Variants in PLEKHA8 observed in about 807,000 individuals in gnomAD.
PLEKHA8 encodes the protein pleckstrin homology domain containing A8, also known as pleckstrin homology domain-containing family A member 8.
A neutral mutation model predicts 68.2 loss-of-function variants in PLEKHA8; 36 were observed. The observed-to-expected ratio is 0.53, with a 90% CI of 0.40 to 0.70. PLEKHA8 has a LOEUF of 0.70. Among genes scored for constraint, PLEKHA8 ranks in the 30% least tolerant of loss-of-function variants. The pLI is 0.00. For synonymous variants in PLEKHA8, 211 were observed against 216.1 expected (o/e 0.98, Z 0.20); for missense variants, 505 against 615.4 (o/e 0.82, Z 1.90).
At chr7:30,086,743 A>G (rs1446385080), downstream of PLEKHA8, among the ~76,000 whole-genome samples, 3 of 152,184 alleles carry the variant, frequency 2.0e-5, no homozygotes, top group African/African-American at 7.2e-5. Context: ...GCAAGAAGGA[A>G]TAGAATGACC....
At chr7:30,071,865 C>T (rs1794259722) in intron 12 of PLEKHA8, 1 of 152,282 alleles carries the variant, frequency 6.6e-6, no homozygotes, top group Non-Finnish European at 1.5e-5. Context: ...CAGATGGCTG[C>T]TCAAATGGTT....
chr7:30,076,874 T>C (rs993243769), intron 13 of PLEKHA8, among the ~76,000 whole-genome samples: 1 of 152,184 alleles, frequency 6.6e-6, no homozygotes, highest in Non-Finnish European at 1.5e-5. Flanking sequence ...GAGGGAAACA[T>C]TGTTTACATC....
In PLEKHA8 at chr7:30,115,972, G is replaced by C. The variant is rs796696324; in HGVS notation, c.1363-13294G>C. 8 of 132,592 alleles carry C rather than the reference G, an allele frequency of 6.0e-5. 1 individual carries two copies. The East Asian group carries it at 1.9e-3, about 32-fold the overall frequency. The allele number at this position is 132,592 out of a possible 1,614,324, so 8.2% of individuals were successfully genotyped here. ...TACGCATACATGCATGCATACATGT[G>C]CATGCATGCATGTATGCATACGCAT... On this transcript the variant is annotated intron_variant, in intron 13 of 13. Transcript: ENST00000396257.
chr7:30,108,630 T>A (rs868558936), intron 13 of PLEKHA8, among the ~76,000 whole-genome samples: 2 of 152,164 alleles, frequency 1.3e-5, no homozygotes, highest in Non-Finnish European at 2.9e-5. Context: ...CTGCAGTTTG[T>A]CTATGTTTTC....
chr7:30,040,414 C>T (rs1791439941), intron 1 of PLEKHA8, among the ~76,000 whole-genome samples: 1 of 152,128 alleles, frequency 6.6e-6, no homozygotes, highest in Admixed American at 6.5e-5. Context: ...ATTCTTAAGA[C>T]CAAAGAAAAA....
At position 30,049,328 on chromosome 7, in the gene PLEKHA8, G is replaced by C. The variant is rs1342676527; in HGVS notation, c.543G>C (p.Leu181=). ...CAAATGCAGCCTTCACCTCTGAGCT[G>C]CTCTACCGCACTCCACCAGGATCAC... ...QIANAAFTSE[L]LYRTPPGSPQ... is the part of the protein sequence containing the mutation. The change falls in exon 5 of 14, where the codon CTG becomes CTC. Residue 181 remains leucine, a synonymous_variant. Transcript: ENST00000449726. The C allele has an allele frequency of 1.9e-6, 3 of 1,614,150 alleles. No individual in the cohort carries two copies. The highest frequency in any genetic ancestry group is 2.2e-5 in the South Asian group (2 of 91,090).
intron 1 of PLEKHA8, among the ~76,000 whole-genome samples, chr7:30,040,901 G>A (rs1400083109): frequency 6.6e-6 from 1 of 152,182 alleles, no homozygotes; most frequent in African/African-American, 2.4e-5. Flanking sequence ...AAAAGAGGGT[G>A]GAGATTGGAT....
At chr7:30,102,772 G>A (rs1795897874) in intron 13 of PLEKHA8, among the ~76,000 whole-genome samples, 1 of 152,352 alleles carries the variant, frequency 6.6e-6, no homozygotes, top group South Asian at 2.1e-4. Context: ...GGGCACCCAG[G>A]TGTGGTGGCT....
chr7:30,030,088 G>A (rs1790543154), intron 1 of PLEKHA8, among the ~76,000 whole-genome samples: 2 of 152,172 alleles, frequency 1.3e-5, no homozygotes, highest in Admixed American at 1.3e-4. Flanking sequence ...GGATGACAGA[G>A]GCTGATCAAC....
intron 13 of PLEKHA8, among the ~76,000 whole-genome samples, chr7:30,111,485 T>G (rs1033140120): frequency 5.3e-5 from 8 of 152,194 alleles, no homozygotes; most frequent in African/African-American, 1.7e-4. Context: ...CTTTTGGTTT[T>G]GGGATTTTAT....
At chr7:30,118,582 CT>C (rs745309743) in intron 13 of PLEKHA8, among the ~76,000 whole-genome samples, 189 of 144,358 alleles carry the variant, frequency 1.3e-3, no homozygotes, top group Admixed American at 1.2e-3. Flanking sequence ...GCCCATCTTT[CT>C]TTTTTTTTTT....
intron 13 of PLEKHA8, among the ~76,000 whole-genome samples, chr7:30,125,668 T>C (rs532070080): frequency 2.0e-5 from 3 of 152,328 alleles, no homozygotes; most frequent in Non-Finnish European, 2.9e-5. Context: ...CTGGCCACAG[T>C]CTTATATTTT....
intron 1 of PLEKHA8, among the ~76,000 whole-genome samples, chr7:30,039,703 G>A (rs567525721): frequency 5.3e-5 from 8 of 152,102 alleles, no homozygotes; most frequent in African/African-American, 1.9e-4. Context: ...TATTCTAATA[G>A]GTTTTTTTTA....
At chr7:30,109,204 TA>T (rs1302805503) in intron 13 of PLEKHA8, among the ~76,000 whole-genome samples, 2 of 152,192 alleles carry the variant, frequency 1.3e-5, no homozygotes, top group African/African-American at 4.8e-5. Flanking sequence ...TTTAGATGTA[TA>T]AAAAAGTTGG....
At chr7:30,070,286 A>G (rs1375805430) in intron 12 of PLEKHA8, among the ~76,000 whole-genome samples, 2 of 152,136 alleles carry the variant, frequency 1.3e-5, no homozygotes, top group Admixed American at 6.5e-5. Flanking sequence ...GGCAAGGTAT[A>G]AGCATAACAA....
chr7:30,041,356 G>A (rs11973043), intron 1 of PLEKHA8, among the ~76,000 whole-genome samples: 22,042 of 151,384 alleles, frequency 0.15, 1,638 homozygotes, highest in Middle Eastern at 0.19. Flanking sequence ...CCTACCCTAG[G>A]TAAATACAGA....
chr7:30,096,944 G>C (rs185030820), intron 13 of PLEKHA8, among the ~76,000 whole-genome samples: 4 of 152,312 alleles, frequency 2.6e-5, no homozygotes, highest in African/African-American at 9.6e-5. Context: ...AGTTTGGCAT[G>C]TTGGTACCGG....
Position 30,083,902 on chromosome 7 carries a change from C to G in PLEKHA8, c.*5115C>G. The G allele has an allele frequency of 1.0e-6, 1 of 985,364 alleles. No individual in the cohort carries two copies. The highest frequency in any genetic ancestry group is 4.7e-5 in the South Asian group (1 of 21,282). The allele number at this position is 985,364 out of a possible 1,614,324, so 61.0% of individuals were successfully genotyped here. On this transcript the variant is annotated 3_prime_UTR_variant, in exon 14 of 14. Transcript: ENST00000449726. ...TTACCCACACAGACTCCTGTGTATG[C>G]GTGTCTGTTTATAGGTGTATATGGA...
chr7:30,086,090 A>G (rs1795171103), downstream of PLEKHA8, among the ~76,000 whole-genome samples: 1 of 152,122 alleles, frequency 6.6e-6, no homozygotes, highest in South Asian at 2.1e-4. Flanking sequence ...TCAAACAATC[A>G]CTGTGACGAG....
Sources: allele counts gnomAD v4.1 joint callset (sites outside exome capture counted in the v4.1 genomes callset), GRCh38; gene constraint gnomAD v4.1.1; transcripts MANE v1.5; gene names NCBI Gene and HGNC (gene_info 2026-07-23, HGNC 2026-07-21).